The following CAAP1 variants were observed in gnomAD, a reference collection of about 807,000 sequenced individuals.
CAAP1 encodes conserved anti-apoptotic protein.
A neutral mutation model predicts 34.0 loss-of-function variants in CAAP1; 20 were observed. That is an observed-to-expected ratio of 0.59 (90% CI 0.41 to 0.86). The LOEUF (loss-of-function observed/expected upper bound fraction) is 0.86, where lower values mean the gene tolerates loss of function less well. CAAP1 is among the 40% of genes least tolerant of loss of function. CAAP1 has a pLI of 0.00. For missense variants in CAAP1, 538 were observed against 450.5 expected (o/e 1.19, Z -1.76); for synonymous variants, 213 against 166.7 (o/e 1.28, Z -2.14).
chr9:26,856,463 A>T (rs1822872572), intron 5 of CAAP1, among the ~76,000 whole-genome samples: 1 of 152,224 alleles, frequency 6.6e-6, no homozygotes, highest in South Asian at 2.1e-4. Context: ...CAATTTAGGA[A>T]AACAGTTATT....
intron 4 of CAAP1, among the ~76,000 whole-genome samples, chr9:26,884,111 T>C (rs952033306): frequency 6.6e-6 from 1 of 152,204 alleles, no homozygotes; most frequent in Non-Finnish European, 1.5e-5. Flanking sequence ...AAATCTCTTA[T>C]ATTCTTCAGG....
rs377699949 is a variant in CAAP1 at position 26,879,324 on chromosome 9, A to C, written c.665+5486T>G. ...TTTAACAGATTTATTTATAATTATA[A>C]AGTTGAACCACTGAAACTTGTTCAC... On this transcript the variant is annotated intron_variant, in intron 4 of 5. Transcript: ENST00000333916. Among the ~76,000 whole-genome samples, 13 of 152,346 alleles carry C rather than the reference A, an allele frequency of 8.5e-5. 1 individual carries two copies. The East Asian group carries it at 2.1e-3, about 25-fold the overall frequency.
rs781093180 is a variant in CAAP1 at position 26,892,424 on chromosome 9, A to G, written c.292T>C (p.Ser98Pro). 8 of 1,604,634 alleles carry G rather than the reference A, an allele frequency of 5.0e-6. No individual in the cohort carries two copies. Among genetic ancestry groups the G allele is most frequent in the Admixed American group, 1.7e-5 (1 of 59,376 alleles). Residue 98 changes from serine to proline, a missense_variant, in exon 1 of 6, where the codon TCC becomes CCC. Transcript: ENST00000333916. ...GGGCGCGCACGCACCTGCTGCAAGG[A>G]GCCCGAGACGCTGGAAGAGTCGGTA... ...RSTDSSSVSGSLQQETKYILP... is the reference protein window; with the variant it reads ...RSTDSSSVSGPLQQETKYILP...
At chr9:26,884,595 T>C (rs1457582574) in intron 4 of CAAP1, among the ~76,000 whole-genome samples, 2 of 152,064 alleles carry the variant, frequency 1.3e-5, no homozygotes. Flanking sequence ...CTATGTGGAG[T>C]AGTTTTAAAA....
chr9:26,845,610 G>A (rs536415953), intron 5 of CAAP1, among the ~76,000 whole-genome samples: 6 of 152,174 alleles, frequency 3.9e-5, no homozygotes, highest in South Asian at 2.1e-4. Flanking sequence ...TCCTGACCTC[G>A]TGATCCACCC....
chr9:26,865,623 G>A (rs1823118489), intron 4 of CAAP1, among the ~76,000 whole-genome samples: 1 of 152,130 alleles, frequency 6.6e-6, no homozygotes, highest in African/African-American at 2.4e-5. Context: ...AGAATTTTAG[G>A]AACAGTCACT....
chr9:26,844,565 G>A (rs1251266999), intron 5 of CAAP1, among the ~76,000 whole-genome samples: 2 of 152,180 alleles, frequency 1.3e-5, no homozygotes, highest in East Asian at 3.8e-4. Context: ...TGAATGAAGA[G>A]CTGAATAATA....
chr9:26,882,464 C>A (rs542615709), intron 4 of CAAP1, among the ~76,000 whole-genome samples: 2 of 152,312 alleles, frequency 1.3e-5, no homozygotes, highest in Admixed American at 6.5e-5. Context: ...AACTGTGCAC[C>A]TGCAGGAGGT....
rs1256708710 is a variant in CAAP1, at chr9:26,841,215, TTTG to T, written c.*1083_*1085del. The stretch of plus-strand genomic sequence containing the variant: ...TGGCTTATAAATAAAATATACTGTA[TTTG>T]TTATCAAATATAGAAACAACAGTTC... On this transcript the variant is annotated 3_prime_UTR_variant, in exon 6 of 6. Coordinates refer to ENST00000333916, the MANE Select transcript of CAAP1 (RefSeq NM_024828.4). 6.6e-6 allele frequency: 1 copy of T among 152,332 alleles called. No individual in the cohort carries two copies. Among genetic ancestry groups the T allele is most frequent in the Non-Finnish European group, 1.5e-5 (1 of 67,986 alleles). 9.4% of individuals were successfully genotyped at this position (152,332 alleles called of 1,614,324 possible). A position where few individuals can be genotyped will look rare whatever the true frequency, so the allele number is the denominator to read the frequency against.
chr9:26,842,672 C>T (rs10967559), intron 5 of CAAP1, 25 bp from the exon 6 acceptor site: 1 of 1,539,154 alleles, frequency 6.5e-7, no homozygotes, highest in Non-Finnish European at 8.8e-7. Context: ...GGAGAAAGAT[C>T]CATGTAACCT....
intron 1 of CAAP1, among the ~76,000 whole-genome samples, chr9:26,887,779 A>G (rs1435974230): frequency 6.6e-6 from 1 of 152,178 alleles, no homozygotes; most frequent in African/African-American, 2.4e-5. Flanking sequence ...ATATTGAATA[A>G]TTTCTTAAAA....
Position 26,849,572 on chromosome 9 carries a change from T to A in CAAP1, c.740-6925A>T, listed in dbSNP as rs561733421. ...CAGTCTGAATTTTTATTCTTATTAT[T>A]GTTAATTGCATTTTTTATATTTTAC... On this transcript the variant is annotated intron_variant, in intron 5 of 5. Coordinates refer to ENST00000333916, the MANE Select transcript of CAAP1 (RefSeq NM_024828.4). Among the ~76,000 whole-genome samples the A allele has an allele frequency of 6.6e-4, 101 of 152,322 alleles. 1 individual carries two copies. The South Asian group carries it at 0.02, about 30-fold the overall frequency.
At chr9:26,847,509 C>T (rs148363062) in intron 5 of CAAP1, among the ~76,000 whole-genome samples, 3,327 of 151,898 alleles carry the variant, frequency 0.022, 115 homozygotes, top group African/African-American at 0.076. Flanking sequence ...CCACCGTGCC[C>T]GGCCAAAAGC....
chr9:26,852,951 T>C (rs1177862836), intron 5 of CAAP1, among the ~76,000 whole-genome samples: 3 of 152,074 alleles, frequency 2.0e-5, no homozygotes, highest in East Asian at 1.9e-4. Context: ...ACAGGAGTGT[T>C]TGGAGTGCTA....
At chr9:26,860,090 T>C (rs969743962) in intron 5 of CAAP1, among the ~76,000 whole-genome samples, 10 of 152,346 alleles carry the variant, frequency 6.6e-5, no homozygotes, top group Admixed American at 1.3e-4. Flanking sequence ...ATTAGGTGAT[T>C]ACATGATAGA....
chr9:26,855,368 T>C (rs184083192), intron 5 of CAAP1, among the ~76,000 whole-genome samples: 22 of 152,258 alleles, frequency 1.4e-4, no homozygotes, highest in Non-Finnish European at 2.6e-4. Context: ...CAGAAGACTT[T>C]TAAGGCAGTG....
intron 4 of CAAP1, among the ~76,000 whole-genome samples, chr9:26,879,704 T>G (rs1823536640): frequency 6.6e-6 from 1 of 152,200 alleles, no homozygotes; most frequent in African/African-American, 2.4e-5. Flanking sequence ...TGCTGAGTCT[T>G]CCAGGCTTCA....
At position 26,887,391 on chromosome 9, in the gene CAAP1, G is replaced by A. The variant is rs200715738; in HGVS notation, c.426C>T (p.Asp142=). 2 of 1,611,438 alleles carry A rather than the reference G, an allele frequency of 1.2e-6. No homozygotes were observed. Among genetic ancestry groups the A allele is most frequent in the Non-Finnish European group, 1.7e-6 (2 of 1,178,862 alleles). The change falls in exon 2 of 6, where the codon GAC becomes GAT. Residue 142 remains aspartate, a synonymous_variant. Transcript: ENST00000333916. ...AGCACTGCTGAAGCATTTCTTTTTT[G>A]TCTGATATATAGAAACTAACTGGTT... ...SLKPVSFYIS[D]KKEMLQQCFC...
At chr9:26,861,289 C>G in intron 4 of CAAP1, 150 bp from the exon 5 acceptor site, 1 of 562,892 alleles carries the variant, frequency 1.8e-6, no homozygotes, top group Non-Finnish European at 3.2e-6. Flanking sequence ...TCTGGAAGCT[C>G]AGAAACAAGT....
Sources: allele counts gnomAD v4.1 joint callset (sites outside exome capture counted in the v4.1 genomes callset), GRCh38; gene constraint gnomAD v4.1.1; transcripts MANE v1.5; gene names NCBI Gene and HGNC (gene_info 2026-07-23, HGNC 2026-07-21).